The following AQP8 variants were observed in gnomAD, a reference collection of about 807,000 sequenced individuals.
AQP8 encodes the protein aquaporin-8.
A neutral mutation model predicts 26.1 loss-of-function variants in AQP8; 14 were observed. The ratio of observed to expected loss-of-function variants is 0.54; its 90% CI spans 0.35 to 0.84. The LOEUF is 0.84. AQP8 is among the 40% of genes least tolerant of loss of function. AQP8 has a pLI of 0.01. For synonymous variants in AQP8, 131 were observed against 150.7 expected (o/e 0.87, Z 0.96); for missense variants, 301 against 340.5 (o/e 0.88, Z 0.91).
chr16:25,222,802 T>TC (rs1962581432), intron 3 of AQP8, among the ~76,000 whole-genome samples: 1 of 152,136 alleles, frequency 6.6e-6, no homozygotes, highest in Non-Finnish European at 1.5e-5. Flanking sequence ...CTGTGGTCTC[T>TC]CCATGTCCCA....
rs773348315 is a variant in AQP8, at chr16:25,221,499, GA to G, written c.304del (p.Ile102SerfsTer7). On this transcript the variant is annotated frameshift_variant, in exon 3 of 6. Coordinates refer to ENST00000219660, the MANE Select transcript of AQP8 (RefSeq NM_001169.3). LOFTEE classifies it high-confidence loss of function. ...CTGCGGTGTCCCTGGCAGCCATGCT[GA>G]TCGGAGGCCTCAACCTGGTGATGCT... is the stretch of plus-strand genomic sequence containing the variant. ...NPAVSLAAMLIGGLNLVMLLP... is the reference protein window; with the variant it reads ...NPAVSLAAMLXGGLNLVMLLP... 2.5e-6 allele frequency: 4 copies of G among 1,614,110 alleles called. No individual in the cohort carries two copies. The highest frequency in any genetic ancestry group is 3.4e-6 in the Non-Finnish European group (4 of 1,180,012).
In AQP8 at chr16:25,216,989, G is replaced by C; in HGVS notation, c.-57G>C. ...GGAGATAAGAGTATCTTGCACAGCA[G>C]GTGCAGGTTTCCCAGCAGCTCAGGC... On this transcript the variant is annotated 5_prime_UTR_variant, in exon 1 of 6. Coordinates refer to ENST00000219660, the MANE Select transcript of AQP8 (RefSeq NM_001169.3). 6.2e-7 allele frequency: 1 copy of C among 1,612,326 alleles called. No homozygotes were observed. Among genetic ancestry groups the C allele is most frequent in the Non-Finnish European group, 8.5e-7 (1 of 1,179,408 alleles).
At position 25,219,892 on chromosome 16, in the gene AQP8, C is replaced by T. The variant is rs192089860; in HGVS notation, c.261-1565C>T. On this transcript the variant is annotated intron_variant, in intron 2 of 5. Coordinates refer to ENST00000219660, the MANE Select transcript of AQP8 (RefSeq NM_001169.3). ...TCTCTACCAAAAATACAAAAATTAG[C>T]CGGGCGTGGTGGCAGCCCCGTTATC... Among the ~76,000 whole-genome samples the T allele has an allele frequency of 2.3e-3, 344 of 152,190 alleles. 1 individual carries two copies. The highest frequency in any genetic ancestry group is 3.5e-3 in the Non-Finnish European group (236 of 67,990).
intron 5 of AQP8, among the ~76,000 whole-genome samples, chr16:25,227,598 C>T (rs1962652615): frequency 6.6e-6 from 1 of 152,104 alleles, no homozygotes; most frequent in Admixed American, 6.5e-5. Flanking sequence ...AAGAGATTCT[C>T]CTGCCTCAGC....
intron 2 of AQP8, 63 bp from the exon 3 acceptor site, chr16:25,221,394 C>A: frequency 1.3e-6 from 2 of 1,588,580 alleles, no homozygotes; most frequent in Admixed American, 3.4e-5. Flanking sequence ...GACACACTGT[C>A]TCAAGTGCCA....
Position 25,221,668 on chromosome 16 carries a change from G to A in AQP8, c.387+85G>A. 4.0e-6 allele frequency: 6 copies of A among 1,497,278 alleles called. No homozygotes were observed. In the South Asian group the frequency reaches 6.3e-5, roughly 16 times the overall value. 92.7% of individuals were successfully genotyped at this position (1,497,278 alleles called of 1,614,324 possible). A position where few individuals can be genotyped will look rare whatever the true frequency, so the allele number is the denominator to read the frequency against. ...TATGTGGGTGTGTGTGTGGGACAGT[G>A]GGGAGTGGGGAAATGTCCAATCTTT... is the stretch of plus-strand genomic sequence containing the variant. On this transcript the variant is annotated intron_variant, in intron 3 of 5. Transcript: ENST00000219660.
In AQP8 at chr16:25,224,514, G is replaced by A. The variant is rs1339175221; in HGVS notation, c.540G>A (p.Lys180=). 3 of 1,613,998 alleles carry A rather than the reference G, an allele frequency of 1.9e-6. No individual in the cohort carries two copies. Among genetic ancestry groups the A allele is most frequent in the African/African-American group, 1.3e-5 (1 of 75,056 alleles). The stretch of plus-strand genomic sequence containing the variant: ...TATGCATGGGTGCCATCAATGAGAA[G>A]ACAAAGGGCCCTCTGGCCCCGTTCT... ...LAVCMGAINE[K]TKGPLAPFSI... is the part of the protein sequence containing the mutation. Residue 180 remains lysine (K), a synonymous_variant, in exon 4 of 6, where the codon AAG becomes AAA. Coordinates refer to ENST00000219660, the MANE Select transcript of AQP8 (RefSeq NM_001169.3).
At chr16:25,217,858 C>T (rs528300377) in intron 2 of AQP8, among the ~76,000 whole-genome samples, 30 of 152,134 alleles carry the variant, frequency 2.0e-4, no homozygotes, top group African/African-American at 7.2e-4. Context: ...CAAAGTTCCC[C>T]GCCTATAAAA....
chr16:25,228,409 G>C (rs370877299), intron 5 of AQP8, 35 bp from the exon 6 acceptor site: 3 of 1,612,088 alleles, frequency 1.9e-6, no homozygotes, highest in Non-Finnish European at 2.5e-6. Flanking sequence ...TCTCACCTCC[G>C]GGGCAGAGAC....
At chr16:25,226,111 G>A (rs1597630922) in intron 4 of AQP8, among the ~76,000 whole-genome samples, 1 of 152,142 alleles carries the variant, frequency 6.6e-6, no homozygotes, top group South Asian at 2.1e-4. Context: ...CCTAGTAGGT[G>A]TATATATTTC....
At chr16:25,225,474 T>C (rs935775411) in intron 4 of AQP8, among the ~76,000 whole-genome samples, 12 of 134,952 alleles carry the variant, frequency 8.9e-5, no homozygotes, top group African/African-American at 3.2e-4. Flanking sequence ...TACAAGCCCT[T>C]TTTTTTTTTT....
chr16:25,228,408 C>T (rs775267231), intron 5 of AQP8, 36 bp from the exon 6 acceptor site: 22 of 1,611,730 alleles, frequency 1.4e-5, no homozygotes, highest in African/African-American at 1.2e-4. Context: ...GTCTCACCTC[C>T]GGGGCAGAGA....
At chr16:25,224,274 TG>T in intron 3 of AQP8, 87 bp from the exon 4 acceptor site, 2 of 1,226,774 alleles carry the variant, frequency 1.6e-6, no homozygotes, top group Non-Finnish European at 2.3e-6. Flanking sequence ...GCTCTTAAGG[TG>T]GGTAGCATGC....
At position 25,221,864 on chromosome 16, in the gene AQP8, C is replaced by T. The variant is rs188789960; in HGVS notation, c.387+281C>T. On this transcript the variant is annotated intron_variant, in intron 3 of 5. Coordinates refer to ENST00000219660, the MANE Select transcript of AQP8 (RefSeq NM_001169.3). ...CTCACTGCAACCTCTGCCTCCTGGG[C>T]TCAAGCAATTCTCCCACCTCAGCCT... is the stretch of plus-strand genomic sequence containing the variant. Among the ~76,000 whole-genome samples, 385 of 152,200 alleles carry T rather than the reference C, an allele frequency of 2.5e-3. 1 individual carries two copies. The highest frequency in any genetic ancestry group is 8.6e-3 in the African/African-American group (356 of 41,520).
At chr16:25,223,999 G>C (rs952462330) in intron 3 of AQP8, among the ~76,000 whole-genome samples, 7 of 152,124 alleles carry the variant, frequency 4.6e-5, no homozygotes, top group Non-Finnish European at 1.0e-4. Context: ...GCTAATTTTT[G>C]TATTTGTAGT....
chr16:25,222,259 CCTTTGT>C (rs879378673), intron 3 of AQP8, among the ~76,000 whole-genome samples: 1 of 152,160 alleles, frequency 6.6e-6, no homozygotes, highest in Non-Finnish European at 1.5e-5. Flanking sequence ...AAACCAGAGA[CCTTTGT>C]TCACTTGTTT....
intron 3 of AQP8, among the ~76,000 whole-genome samples, chr16:25,222,870 C>T (rs887691365): frequency 3.3e-5 from 5 of 152,220 alleles, no homozygotes; most frequent in East Asian, 1.9e-4. Context: ...CCTTCCTTCT[C>T]GGCTTCTGCT....
intron 2 of AQP8, among the ~76,000 whole-genome samples, chr16:25,219,263 C>T (rs1597627159): frequency 6.6e-6 from 1 of 151,448 alleles, no homozygotes; most frequent in African/African-American, 2.4e-5. Flanking sequence ...TGAACCCAGG[C>T]CAGCTGGCTG....
chr16:25,220,222 T>G (rs73551016), intron 2 of AQP8, among the ~76,000 whole-genome samples: 5,322 of 152,182 alleles, frequency 0.035, 115 homozygotes, highest in African/African-American at 0.051. Context: ...TCCTATGTCC[T>G]TTGGAGGATG....
Sources: allele counts gnomAD v4.1 joint callset (sites outside exome capture counted in the v4.1 genomes callset), GRCh38; gene constraint gnomAD v4.1.1; transcripts MANE v1.5; gene names NCBI Gene and HGNC (gene_info 2026-07-23, HGNC 2026-07-21).